NUDC: variants seen among roughly 807,000 people sequenced by gnomAD.
NUDC encodes the protein nuclear migration protein nudC.
A neutral mutation model predicts 45.0 loss-of-function variants in NUDC; 14 were observed. That is an observed-to-expected ratio of 0.31 (90% CI 0.21 to 0.49). NUDC has a LOEUF of 0.49. Ranked by LOEUF, NUDC falls within the 20% of genes least tolerant of loss-of-function variation. The pLI, the probability that NUDC is intolerant of heterozygous loss-of-function variation, is 0.99. For synonymous variants in NUDC, 153 were observed against 156.7 expected (o/e 0.98, Z 0.17); for missense variants, 323 against 426.2 (o/e 0.76, Z 2.13).
rs1348533347 is a variant in NUDC at position 26,913,453 on chromosome 1, G to A, written c.93+2218G>A. ...CCCTTTCAGGCAGGCATATTCCTTG[G>A]GGCTAAGCTCCAGGCTCCAGAAGGA... On this transcript the variant is annotated intron_variant, in intron 3 of 6. Coordinates refer to the NUDC transcript ENST00000435827. 15 of 1,613,922 alleles carry A rather than the reference G, an allele frequency of 9.3e-6. No individual in the cohort carries two copies. In the Admixed American group the frequency reaches 2.2e-4, roughly 23 times the overall value.
At chr1:26,940,599 T>G (rs556479945) in intron 2 of NUDC, among the ~76,000 whole-genome samples, 1 of 151,838 alleles carries the variant, frequency 6.6e-6, no homozygotes, top group South Asian at 2.1e-4. Flanking sequence ...AGAGTAAGAG[T>G]GATTAGTCAG....
exon 1 of NUDC, chr1:26,900,365 C>T (rs759175766): frequency 4.5e-5 from 72 of 1,613,920 alleles, no homozygotes; most frequent in African/African-American, 9.3e-5. Flanking sequence ...GTAAATGGGC[C>T]GAGCGCAACA....
chr1:26,945,268 G>C, intron 6 of NUDC, 122 bp from the exon 7 acceptor site: 1 of 772,834 alleles, frequency 1.3e-6, no homozygotes, highest in South Asian at 1.4e-5. Flanking sequence ...ATCCAGTGTA[G>C]GCCTGCAAGG....
At chr1:26,920,823 A>T (rs2082086825), upstream of NUDC, among the ~76,000 whole-genome samples, 2 of 151,526 alleles carry the variant, frequency 1.3e-5, no homozygotes, top group African/African-American at 2.4e-5. Context: ...CTGTAGTCCC[A>T]GCTACTCTGG....
chr1:26,903,892 TCCCA>T, intron 2 of NUDC, among the ~76,000 whole-genome samples: 1 of 150,960 alleles, frequency 6.6e-6, no homozygotes, highest in South Asian at 2.1e-4. Flanking sequence ...GCACCTGTAG[TCCCA>T]GCTACTCGGG....
At chr1:26,926,878 C>T (rs2082136998) in intron 2 of NUDC, among the ~76,000 whole-genome samples, 1 of 151,912 alleles carries the variant, frequency 6.6e-6, no homozygotes, top group Non-Finnish European at 1.5e-5. Context: ...GGATTACAGG[C>T]GTGAGCCACT....
At chr1:26,926,922 T>C (rs2082137304) in intron 2 of NUDC, among the ~76,000 whole-genome samples, 1 of 152,140 alleles carries the variant, frequency 6.6e-6, no homozygotes. Context: ...GAATGTTTAT[T>C]GAACACTTAA....
chr1:26,945,317 G>T, intron 6 of NUDC, 73 bp from the exon 7 acceptor site: 1 of 1,264,308 alleles, frequency 7.9e-7, no homozygotes, highest in Non-Finnish European at 1.2e-6. Flanking sequence ...GAGTTTGGTT[G>T]TGAAAGGGTT....
At chr1:26,937,484 G>A (rs1010285092) in intron 2 of NUDC, among the ~76,000 whole-genome samples, 2 of 152,042 alleles carry the variant, frequency 1.3e-5, no homozygotes, top group East Asian at 1.9e-4. Context: ...GTCTCACCAC[G>A]TTGCCCAGGC....
upstream of NUDC, among the ~76,000 whole-genome samples, chr1:26,918,172 C>CTT (rs770055094): frequency 3.1e-5 from 4 of 130,430 alleles, no homozygotes; most frequent in African/African-American, 5.6e-5. Flanking sequence ...CTTGATTTAT[C>CTT]TTTTTTTTTT....
chr1:26,902,801 C>G (rs1429471539), intron 2 of NUDC, among the ~76,000 whole-genome samples: 1 of 151,920 alleles, frequency 6.6e-6, no homozygotes, highest in Admixed American at 6.6e-5. Flanking sequence ...GTAATCCCAG[C>G]ACTTTGGGAG....
intron 1 of NUDC, chr1:26,900,443 C>T (rs770823730): frequency 5.6e-6 from 9 of 1,607,922 alleles, no homozygotes; most frequent in Non-Finnish European, 7.7e-6. Flanking sequence ...GCACCGCCAT[C>T]TTGGATTGTC....
At chr1:26,913,058 G>T (rs566697317) in intron 3 of NUDC, among the ~76,000 whole-genome samples, 5 of 152,306 alleles carry the variant, frequency 3.3e-5, no homozygotes, top group Non-Finnish European at 7.3e-5. Context: ...CAAGGTGGGT[G>T]GATCACCTGA....
chr1:26,913,820 A>G lies in NUDC; in HGVS notation c.93+2585A>G, dbSNP rs569477682. 5 of 1,513,690 alleles carry G rather than the reference A, an allele frequency of 3.3e-6. No homozygotes were observed. Among genetic ancestry groups the G allele is most frequent in the Middle Eastern group, 1.8e-4 (1 of 5,594 alleles). 93.8% of individuals were successfully genotyped at this position (1,513,690 alleles called of 1,614,324 possible). Reference sequence around the variant, plus strand: ...AGCTGGACGGGCCGGTGCTGCCTACATAGGCAGCGGCTACGGGGTCGGGGG... The same window carrying G: ...AGCTGGACGGGCCGGTGCTGCCTACGTAGGCAGCGGCTACGGGGTCGGGGG... On this transcript the variant is annotated intron_variant, in intron 3 of 6. Coordinates refer to the NUDC transcript ENST00000435827.
chr1:26,924,216 A>T, intron 2 of NUDC, 50 bp downstream of exon 2: 1 of 1,519,648 alleles, frequency 6.6e-7, no homozygotes, highest in Non-Finnish European at 9.1e-7. Flanking sequence ...TCTTCAGAAG[A>T]AAAGCTCACC....
At chr1:26,919,702 C>G (rs2082079492), upstream of NUDC, among the ~76,000 whole-genome samples, 1 of 152,146 alleles carries the variant, frequency 6.6e-6, no homozygotes, top group African/African-American at 2.4e-5. Context: ...CAAATCAATC[C>G]AAACTGAGTG....
chr1:26,917,332 C>G (rs559404326), upstream of NUDC, among the ~76,000 whole-genome samples: 1 of 151,796 alleles, frequency 6.6e-6, no homozygotes, highest in East Asian at 1.9e-4. Context: ...GAGGCCGAGG[C>G]GGATGGATCA....
chr1:26,916,668 C>A (rs945416985), intron 3 of NUDC, among the ~76,000 whole-genome samples: 6 of 151,976 alleles, frequency 3.9e-5, no homozygotes, highest in Admixed American at 2.0e-4. Context: ...TACTAAAAAA[C>A]CAAGAACTGG....
At chr1:26,940,865 G>A (rs1408141632) in intron 2 of NUDC, among the ~76,000 whole-genome samples, 1 of 150,718 alleles carries the variant, frequency 6.6e-6, no homozygotes, top group Admixed American at 6.6e-5. Flanking sequence ...TTTTTGTATT[G>A]TTAGTAGAGA....
Sources: gnomAD v4.1 joint callset for allele counts (sites outside exome capture counted in the v4.1 genomes callset) on GRCh38, gnomAD v4.1.1 for gene constraint, MANE v1.5 for transcripts, NCBI Gene and HGNC (gene_info 2026-07-23, HGNC 2026-07-21) for gene names.